The following RGSL1 variants were observed in gnomAD, a reference collection of about 807,000 sequenced individuals.
The protein encoded by RGSL1 is regulator of G protein signaling like 1.
RGSL1 carries 97 observed loss-of-function variants against 124.7 expected under a neutral mutation model. That is an observed-to-expected ratio of 0.78 (90% CI 0.66 to 0.92). The LOEUF is 0.92. Ranked by LOEUF, RGSL1 falls within the 40% of genes least tolerant of loss-of-function variation. The pLI, the probability that RGSL1 is intolerant of heterozygous loss-of-function variation, is 0.00. For missense variants in RGSL1, 1,233 were observed against 1,288.4 expected, an observed-to-expected ratio of 0.96 and a Z score of 0.66; for synonymous variants, 424 against 438.1, an observed-to-expected ratio of 0.97 and a Z score of 0.40.
In RGSL1 at chr1:182,520,389, A is replaced by G. The variant is rs929260767; in HGVS notation, c.1826-1615A>G. On this transcript the variant is annotated intron_variant, in intron 9 of 21. Coordinates refer to ENST00000294854, the MANE Select transcript of RGSL1 (RefSeq NM_001137669.2). Reference sequence around the variant, plus strand: ...CAAAAGCTCTGCTAAATTCCCCAGTAGCAATTTGTTTACATAATTGTCAAA... The same window carrying G: ...CAAAAGCTCTGCTAAATTCCCCAGTGGCAATTTGTTTACATAATTGTCAAA... Among the ~76,000 whole-genome samples the G allele has an allele frequency of 2.6e-5, 4 of 152,188 alleles. No homozygotes were observed. In the South Asian group the frequency reaches 8.3e-4, roughly 32 times the overall value.
At chr1:182,526,721 A>AG (rs1420890655) in intron 10 of RGSL1, among the ~76,000 whole-genome samples, 1 of 152,174 alleles carries the variant, frequency 6.6e-6, no homozygotes, top group Non-Finnish European at 1.5e-5. Context: ...TAATAAAATA[A>AG]GGGGGGAGAA....
rs1215402820 is a variant in RGSL1, at chr1:182,532,741, G to A, written c.2444G>A (p.Arg815His). The A allele has an allele frequency of 1.4e-5, 22 of 1,550,742 alleles. No individual in the cohort carries two copies. Among genetic ancestry groups the A allele is most frequent in the East Asian group, 2.4e-5 (1 of 40,918 alleles). ...AGATTTATGTTGAATCCTAGTAAGC[G>A]CCAGGAATTTGAAGACTATCTTCAC... ...YRRFMLNPSKRQEFEDYLHQE... is the reference protein window; with the variant it reads ...YRRFMLNPSKHQEFEDYLHQE... The change falls in exon 14 of 22, where the codon CGC becomes CAC. Residue 815 changes from arginine (R) to histidine (H), a missense_variant. Transcript: ENST00000294854.
intron 1 of RGSL1, among the ~76,000 whole-genome samples, chr1:182,452,849 T>A (rs1015296466): frequency 6.6e-6 from 1 of 152,196 alleles, no homozygotes; most frequent in South Asian, 2.1e-4. Flanking sequence ...TAACTACATG[T>A]TTGTGACTGT....
intron 9 of RGSL1, among the ~76,000 whole-genome samples, chr1:182,493,728 T>C (rs931461337): frequency 6.6e-6 from 1 of 152,190 alleles, no homozygotes; most frequent in African/African-American, 2.4e-5. Context: ...CCAGGCAGTT[T>C]CCTTTGGCTG....
intron 9 of RGSL1, among the ~76,000 whole-genome samples, chr1:182,519,388 C>T (rs1269297264): frequency 1.3e-5 from 2 of 152,118 alleles, no homozygotes; most frequent in Non-Finnish European, 2.9e-5. Context: ...TCTATTAACA[C>T]TTTGAAAATG....
chr1:182,521,950 C>G, intron 9 of RGSL1, 54 bp from the exon 10 acceptor site: 2 of 1,170,004 alleles, frequency 1.7e-6, no homozygotes, highest in Non-Finnish European at 2.4e-6. Context: ...GCTAGTTTTT[C>G]CCTTTTCATT....
In RGSL1 at chr1:182,551,129, A is replaced by G; in HGVS notation, c.2963A>G (p.Tyr988Cys). 1 of 1,551,702 alleles carries G rather than the reference A, an allele frequency of 6.4e-7. No individual in the cohort carries two copies. The highest frequency in any genetic ancestry group is 1.2e-5 in the South Asian group (1 of 84,066). ...TGTTTCTGGAAGGCAACCCGCTCTTACTTACAGTATAGGGGGAAGAAGTTC... is the reference window on the plus strand; with the variant it reads ...TGTTTCTGGAAGGCAACCCGCTCTTGCTTACAGTATAGGGGGAAGAAGTTC... ...RFCFWKATRS[Y>C]LQYRGKKFKD... Residue 988 changes from tyrosine (Y) to cysteine (C), a missense_variant, in exon 18 of 22, where the codon TAC (tyrosine) becomes TGC (cysteine). Tyr to Cys is a radical substitution (Grantham distance 194). Coordinates refer to ENST00000294854, the MANE Select transcript of RGSL1 (RefSeq NM_001137669.2).
chr1:182,555,709 G>A (rs1417217395), intron 20 of RGSL1: 4 of 355,628 alleles, frequency 1.1e-5, no homozygotes, highest in African/African-American at 2.1e-5. Context: ...TCACTTCTCA[G>A]GCCTGTTTCC....
At chr1:182,542,679 T>C (rs1276578350) in intron 15 of RGSL1, among the ~76,000 whole-genome samples, 3 of 152,284 alleles carry the variant, frequency 2.0e-5, no homozygotes, top group African/African-American at 7.2e-5. Flanking sequence ...AATAATATTA[T>C]GTTTTCCAAT....
intron 4 of RGSL1, among the ~76,000 whole-genome samples, chr1:182,465,702 G>A (rs266514): frequency 0.086 from 13,003 of 152,050 alleles, 753 homozygotes; most frequent in East Asian, 0.26. Context: ...TCCTGGACCT[G>A]ATGGTTTTAC....
chr1:182,483,613 CAT>C (rs987847588), intron 6 of RGSL1, among the ~76,000 whole-genome samples: 8 of 151,892 alleles, frequency 5.3e-5, no homozygotes, highest in African/African-American at 9.7e-5. Flanking sequence ...TATTTATAGA[CAT>C]ATATTTCTAT....
At chr1:182,509,646 G>C (rs1189311330) in intron 9 of RGSL1, among the ~76,000 whole-genome samples, 3 of 133,946 alleles carry the variant, frequency 2.2e-5, no homozygotes, top group Admixed American at 7.0e-5. Flanking sequence ...CTCCCGGACG[G>C]GGCGGCTGGC....
chr1:182,482,432 AAAGG>A (rs1654778804), intron 6 of RGSL1, among the ~76,000 whole-genome samples: 1 of 152,202 alleles, frequency 6.6e-6, no homozygotes. Flanking sequence ...TCCAAATAGA[AAAGG>A]AAGAAGTGAA....
At chr1:182,509,304 CCGGGCAGGGGGCTGA>C in intron 9 of RGSL1, among the ~76,000 whole-genome samples, 1 of 40,754 alleles carries the variant, frequency 2.5e-5, no homozygotes, top group African/African-American at 6.9e-5. Context: ...GGGCGGCTGG[CCGGGCAGGGGGCTGA>C]CCCCCCACCT....
chr1:182,471,649 T>C (rs1653854253), intron 4 of RGSL1, among the ~76,000 whole-genome samples: 1 of 152,118 alleles, frequency 6.6e-6, no homozygotes, highest in South Asian at 2.1e-4. Flanking sequence ...CCTGGTAGGT[T>C]GGGTTACAAA....
chr1:182,553,313 G>A, intron 18 of RGSL1, 142 bp from the exon 19 acceptor site: 1 of 656,628 alleles, frequency 1.5e-6, no homozygotes, highest in Non-Finnish European at 2.6e-6. Flanking sequence ...CACATGCAAA[G>A]ATTTAGATTT....
chr1:182,452,516 G>T (rs1315848484), intron 1 of RGSL1, among the ~76,000 whole-genome samples: 1 of 151,234 alleles, frequency 6.6e-6, no homozygotes, highest in Non-Finnish European at 1.5e-5. Context: ...GCAGTGGTGC[G>T]ATCTCGGCTC....
At chr1:182,524,889 G>A (rs1169168539) in intron 10 of RGSL1, among the ~76,000 whole-genome samples, 1 of 152,206 alleles carries the variant, frequency 6.6e-6, no homozygotes, top group Non-Finnish European at 1.5e-5. Context: ...ATATTCCCAA[G>A]GGACTGTGCA....
At chr1:182,513,386 G>T (rs1048027857) in intron 9 of RGSL1, among the ~76,000 whole-genome samples, 1 of 152,124 alleles carries the variant, frequency 6.6e-6, no homozygotes, top group African/African-American at 2.4e-5. Flanking sequence ...AGATTTATAA[G>T]GTTAAGTATG....
Sources: gnomAD v4.1 joint callset for allele counts (sites outside exome capture counted in the v4.1 genomes callset) on GRCh38, gnomAD v4.1.1 for gene constraint, MANE v1.5 for transcripts, NCBI Gene and HGNC (gene_info 2026-07-23, HGNC 2026-07-21) for gene names.